Variants in INTS1 observed in about 807,000 individuals in gnomAD.
INTS1 encodes integrator complex subunit 1.
In INTS1, 137 loss-of-function variants were observed where a neutral mutation model predicts 241.6. The observed-to-expected ratio is 0.57, with a 90% CI of 0.49 to 0.65. INTS1 has a LOEUF of 0.65. Ranked by LOEUF, INTS1 falls within the 30% of genes least tolerant of loss-of-function variation. INTS1 has a pLI of 0.00. For missense variants in INTS1, 3,073 were observed against 3,032.2 expected, an observed-to-expected ratio of 1.01 and a Z score of -0.32; for synonymous variants, 1,692 against 1,337.8, an observed-to-expected ratio of 1.26 and a Z score of -5.78.
In INTS1 at chr7:1,493,119, G is replaced by C; in HGVS notation, c.2069-13C>G. 7.5e-6 allele frequency: 12 copies of C among 1,590,668 alleles called. No individual in the cohort carries two copies. The highest frequency in any genetic ancestry group is 8.6e-6 in the Non-Finnish European group (10 of 1,164,482). ...AGCACCTCCACATCTAAGACCAAGA[G>C]CCACACATGGGTTCTGGGGCTGCTC... On this transcript the variant is annotated splice_polypyrimidine_tract_variant and intron_variant, in intron 15 of 47. Coordinates refer to ENST00000404767, the MANE Select transcript of INTS1 (RefSeq NM_001080453.3). The surrounding 1 kb of genome is among the most constrained non-coding windows in gnomAD (Gnocchi z 5.3).
At chr7:1,471,664 C>G in intron 44 of INTS1, 23 bp from the exon 45 acceptor site, 1 of 1,610,888 alleles carries the variant, frequency 6.2e-7, no homozygotes, top group Non-Finnish European at 8.5e-7. Flanking sequence ...GAGGGCCAGA[C>G]CAGAACTGAA....
At chr7:1,471,731 C>G in intron 44 of INTS1, 90 bp from the exon 45 acceptor site, 1 of 1,231,098 alleles carries the variant, frequency 8.1e-7, no homozygotes, top group African/African-American at 1.5e-5. Flanking sequence ...GGCAAGGCCC[C>G]GAGCACCACA....
At chr7:1,495,333 T>C in intron 13 of INTS1, 100 bp downstream of exon 13, 1 of 1,395,600 alleles carries the variant, frequency 7.2e-7, no homozygotes, top group South Asian at 1.4e-5. Context: ...GCCTGGCTTG[T>C]CCTGGCTCAG....
chr7:1,481,482 T>C lies in INTS1; in HGVS notation c.3710A>G (p.Gln1237Arg), dbSNP rs1038666255. The change falls in exon 28 of 48, where the codon CAG becomes CGG. Residue 1237 changes from glutamine to arginine, a missense_variant. Gln to Arg is a conservative substitution (Grantham distance 43). Coordinates refer to ENST00000404767, the MANE Select transcript of INTS1 (RefSeq NM_001080453.3). The surrounding 1 kb of genome is among the most constrained non-coding windows in gnomAD (Gnocchi z 6.8). ...EVLRLVDAAL[Q>R]DLEPQQLLLF... ...CAGCAGCTGCTGCGGCTCCAGGTCC[T>C]GCAGGGCTGAGGGTGCACGCGCTCC... 1.2e-6 allele frequency: 2 copies of C among 1,609,118 alleles called. No homozygotes were observed. Among genetic ancestry groups the C allele is most frequent in the Non-Finnish European group, 8.5e-7 (1 of 1,177,944 alleles).
At chr7:1,500,399 GC>G in intron 3 of INTS1, 33 bp from the exon 4 acceptor site, 1 of 1,514,534 alleles carries the variant, frequency 6.6e-7, no homozygotes. Context: ...TCAGAACGGG[GC>G]CAGGGCAGGG....
chr7:1,485,887 A>G (rs1470183378), intron 22 of INTS1, among the ~76,000 whole-genome samples: 1 of 152,184 alleles, frequency 6.6e-6, no homozygotes, highest in Non-Finnish European at 1.5e-5. Flanking sequence ...AGCTCACTAC[A>G]GCCTCAAGTG....
intron 31 of INTS1, among the ~76,000 whole-genome samples, 194 bp downstream of exon 31, chr7:1,479,236 C>G (rs1459107462): frequency 6.6e-6 from 1 of 152,378 alleles, no homozygotes; most frequent in Middle Eastern, 3.4e-3. Context: ...GCCGCACTGC[C>G]CCCACCTCCC....
At position 1,476,316 on chromosome 7, in the gene INTS1, A is replaced by C. The variant is rs1475092957; in HGVS notation, c.5291T>G (p.Leu1764Arg). ...ACSLIQARLP[L>R]LLSCCCGDDE... ...GTCCCCACAGCAGCAGCTGAGCAGC[A>C]GGGGCAGCCGGGCCTGGATGAGGCT... The change falls in exon 38 of 48, where the codon CTG (leucine) becomes CGG (arginine). Residue 1764 changes from leucine (L) to arginine (R), a missense_variant. Transcript: ENST00000404767. 4.4e-6 allele frequency: 7 copies of C among 1,588,484 alleles called. No individual in the cohort carries two copies. Among genetic ancestry groups the C allele is most frequent in the Non-Finnish European group, 6.0e-6 (7 of 1,169,374 alleles).
At position 1,474,343 on chromosome 7, in the gene INTS1, G is replaced by A. The variant is rs750082296; in HGVS notation, c.5654C>T (p.Ala1885Val). ...GTGGGTGCGGCCGTGCAGGAGCGCC[G>A]CGATCATGGGCAGGTGCCTGCGGGC... ...LLLLRHLPMIAALLHGRTHLN... is the reference protein window; with the variant it reads ...LLLLRHLPMIVALLHGRTHLN... The change falls in exon 41 of 48, where the codon GCG (alanine) becomes GTG (valine). Residue 1885 changes from alanine (A) to valine (V), a missense_variant. Ala to Val is a moderately conservative substitution (Grantham distance 64). Coordinates refer to ENST00000404767, the MANE Select transcript of INTS1 (RefSeq NM_001080453.3). The A allele has an allele frequency of 1.6e-5, 26 of 1,599,190 alleles. No individual in the cohort carries two copies. The highest frequency in any genetic ancestry group is 1.3e-4 in the Admixed American group (8 of 59,398).
rs371844185 is a variant in INTS1, at chr7:1,493,800, C to T, written c.2022G>A (p.Glu674=). The T allele has an allele frequency of 7.6e-5, 120 of 1,578,272 alleles. No homozygotes were observed. The highest frequency in any genetic ancestry group is 1.0e-4 in the Non-Finnish European group (116 of 1,163,446). The part of the protein sequence containing the change: ...ELPLGPADAM[E]LADHLVKRAA... ...CCCGCTTCACCAGGTGGTCAGCAAG[C>T]TCCATGGCGTCCGCAGGCCCGAGCG... Residue 674 remains glutamate (E), a synonymous_variant, in exon 15 of 48, where the codon GAG becomes GAA. Coordinates refer to ENST00000404767, the MANE Select transcript of INTS1 (RefSeq NM_001080453.3). The surrounding 1 kb of genome is among the most constrained non-coding windows in gnomAD (Gnocchi z 5.3).
rs1781575579 is a variant in INTS1, at chr7:1,473,601, G to A, written c.5922C>T (p.Ala1974=). Reference sequence around the variant, plus strand: ...CGGCGTGCTTCTGCAGGAAGGAGATGGCTGCTGGGGCATTGTAGGTAATGT... The same window carrying A: ...CGGCGTGCTTCTGCAGGAAGGAGATAGCTGCTGGGGCATTGTAGGTAATGT... The part of the protein sequence containing the change: ...HKYITYNAPA[A]ISFLQKHADP... The change falls in exon 42 of 48, where the codon GCC becomes GCT. Residue 1974 remains alanine, a synonymous_variant. Coordinates refer to ENST00000404767, the MANE Select transcript of INTS1 (RefSeq NM_001080453.3). The A allele has an allele frequency of 6.2e-7, 1 of 1,609,268 alleles. No individual in the cohort carries two copies. The highest frequency in any genetic ancestry group is 1.3e-5 in the African/African-American group (1 of 74,872).
rs1781859123 is a variant in INTS1 at position 1,478,834 on chromosome 7, G to A, written c.4381C>T (p.Leu1461=). Residue 1461 remains leucine (L), a synonymous_variant, in exon 32 of 48, where the codon CTG becomes TTG. Transcript: ENST00000404767. ...GFSSLFLKVL[L]QMLQWLDSPG... is the part of the protein sequence containing the mutation. Reference sequence around the variant, plus strand: ...CTGTCCAGCCACTGCAGCATCTGCAGGAGCACCTTCAGGAAGAGCGAGGAG... The same window carrying A: ...CTGTCCAGCCACTGCAGCATCTGCAAGAGCACCTTCAGGAAGAGCGAGGAG... 2 of 1,610,762 alleles carry A rather than the reference G, an allele frequency of 1.2e-6. No homozygotes were observed. Among genetic ancestry groups the A allele is most frequent in the Non-Finnish European group, 1.7e-6 (2 of 1,178,930 alleles).
At position 1,484,123 on chromosome 7, in the gene INTS1, G is replaced by T. The variant is rs1782131322; in HGVS notation, c.3309C>A (p.Leu1103=). The part of the protein sequence containing the change: ...VVERSTIMSH[L]FSKLSPSAAS... ...CGGCACTCGGGGAGAGCTTCGAGAA[G>T]AGGTGGGACATGATGGTGGAGCGCT... Residue 1103 remains leucine (L), a synonymous_variant, in exon 25 of 48, where the codon CTC becomes CTA. Coordinates refer to ENST00000404767, the MANE Select transcript of INTS1 (RefSeq NM_001080453.3). The T allele has an allele frequency of 1.9e-6, 3 of 1,612,406 alleles. No individual in the cohort carries two copies. The highest frequency in any genetic ancestry group is 2.5e-6 in the Non-Finnish European group (3 of 1,179,762).
intron 27 of INTS1, 132 bp downstream of exon 27, chr7:1,482,414 G>A: frequency 2.4e-6 from 2 of 848,006 alleles, no homozygotes; most frequent in Non-Finnish European, 3.5e-6. Flanking sequence ...ATGGTCTGCA[G>A]GATCCCCTGA....
rs750615501 is a variant in INTS1 at position 1,487,731 on chromosome 7, C to T, written c.2516+29G>A. 24 of 1,602,262 alleles carry T rather than the reference C, an allele frequency of 1.5e-5. No individual in the cohort carries two copies. The Middle Eastern group carries it at 8.5e-4, about 57-fold the overall frequency. On this transcript the variant is annotated intron_variant, in intron 19 of 47. Transcript: ENST00000404767. Reference sequence around the variant, plus strand: ...ACCACCCACAGGTCCCGACGGCAGGCGCAGGGCGGGGCTGTGTGGGCTGCG... The same window carrying T: ...ACCACCCACAGGTCCCGACGGCAGGTGCAGGGCGGGGCTGTGTGGGCTGCG...
rs558742139 is a variant in INTS1, at chr7:1,495,774, C to T, written c.1712-221G>A. ...TCCTCCTGTTCCGAGTGACTCGCTC[C>T]GGTCAATGGCTTAGAGGGCTTCTGC... is the stretch of plus-strand genomic sequence containing the variant. On this transcript the variant is annotated intron_variant, in intron 12 of 47. Transcript: ENST00000404767. 1.4e-4 allele frequency among the ~76,000 whole-genome samples: 21 copies of T among 152,252 alleles called. No individual in the cohort carries two copies. The South Asian group carries it at 1.9e-3, about 14-fold the overall frequency.
At position 1,475,015 on chromosome 7, in the gene INTS1, T is replaced by G. The variant is rs568399456; in HGVS notation, c.5503-177A>C. Among the ~76,000 whole-genome samples, 6 of 152,368 alleles carry G rather than the reference T, an allele frequency of 3.9e-5. No homozygotes were observed. The South Asian group carries it at 1.2e-3, about 32-fold the overall frequency. ...GAGGGCAGGCAGGCCACAGCCAGCC[T>G]CTGGGAAAACCCCATACAGAATAAA... is the stretch of plus-strand genomic sequence containing the variant. On this transcript the variant is annotated intron_variant, in intron 39 of 47. Transcript: ENST00000404767.
Position 1,478,477 on chromosome 7 carries a change from C to A in INTS1, c.4519G>T (p.Ala1507Ser). ...VRGGLLRLAE[A>S]LAFRQDLEVV... is the part of the protein sequence containing the mutation. The stretch of plus-strand genomic sequence containing the variant: ...TCCAGGTCCTGACGGAAGGCCAGGG[C>A]CTCGGCCAGGCGCAGGAGCCCCCCT... The change falls in exon 33 of 48, where the codon GCC becomes TCC. Residue 1507 changes from alanine to serine, a missense_variant. By Grantham distance (99) the Ala-to-Ser change is moderately conservative. Transcript: ENST00000404767. 1 of 1,611,808 alleles carries A rather than the reference C, an allele frequency of 6.2e-7. No individual in the cohort carries two copies. Among genetic ancestry groups the A allele is most frequent in the Non-Finnish European group, 8.5e-7 (1 of 1,179,632 alleles).
Position 1,487,445 on chromosome 7 carries a change from G to GC in INTS1, c.2520dup (p.Pro841AlafsTer33). The GC allele has an allele frequency of 1.2e-6, 2 of 1,610,706 alleles. No homozygotes were observed. The highest frequency in any genetic ancestry group is 1.7e-6 in the Non-Finnish European group (2 of 1,179,186). On this transcript the variant is annotated frameshift_variant, in exon 20 of 48. Coordinates refer to ENST00000404767, the MANE Select transcript of INTS1 (RefSeq NM_001080453.3). LOFTEE classifies it high-confidence loss of function. ...ATGTGAGGGGGAGGCCTCCGGGGGG[G>GC]CCCCCTGAGGGCCACAGGGGACACG...
Sources: allele counts gnomAD v4.1 joint callset (sites outside exome capture counted in the v4.1 genomes callset), GRCh38; gene constraint gnomAD v4.1.1; non-coding constraint Gnocchi (gnomAD v3.1); transcripts MANE v1.5; gene names NCBI Gene and HGNC (gene_info 2026-07-23, HGNC 2026-07-21).